PDE4D: variants seen among roughly 807,000 people sequenced by gnomAD.
PDE4D encodes 3',5'-cyclic-AMP phosphodiesterase 4D.
In PDE4D, 24 loss-of-function variants were observed where a neutral mutation model predicts 87.4. The observed-to-expected ratio is 0.27, with a 90% CI of 0.20 to 0.39. PDE4D has a LOEUF of 0.39. Among genes scored for constraint, PDE4D ranks in the 10% least tolerant of loss-of-function variants. The pLI, the probability that PDE4D is intolerant of heterozygous loss-of-function variation, is 1.00. For missense variants in PDE4D, 714 were observed against 1,041.0 expected, an observed-to-expected ratio of 0.69 and a Z score of 4.32; for synonymous variants, 384 against 383.2, an observed-to-expected ratio of 1.00 and a Z score of -0.02.
intron 2 of PDE4D, among the ~76,000 whole-genome samples, chr5:60,075,330 T>C (rs1225271331): frequency 6.6e-6 from 1 of 152,220 alleles, no homozygotes; most frequent in Non-Finnish European, 1.5e-5. Flanking sequence ...GAATGTTTAA[T>C]ATAGTCCCCC....
At chr5:59,453,534 G>C (rs1302816753) in intron 1 of PDE4D, among the ~76,000 whole-genome samples, 2 of 152,230 alleles carry the variant, frequency 1.3e-5, no homozygotes, top group Non-Finnish European at 2.9e-5. Context: ...ATAAGAAATT[G>C]AAACAGCCTT....
intron 1 of PDE4D, among the ~76,000 whole-genome samples, chr5:59,385,941 G>A (rs1786887508): frequency 6.6e-6 from 1 of 152,076 alleles, no homozygotes. Context: ...CATCCCTGCA[G>A]GGTGCTACAT....
chr5:60,391,580 A>T lies in PDE4D; in HGVS notation c.-90+96362T>A, dbSNP rs1762563647. Among the ~76,000 whole-genome samples, 5 of 152,130 alleles carry T rather than the reference A, an allele frequency of 3.3e-5. No individual in the cohort carries two copies. The South Asian group carries it at 1.0e-3, about 32-fold the overall frequency. ...TTCCATTTTTAAAGAACGCAATGTT[A>T]TATCCCTCTGACTACTGCCCCTTAG... On this transcript the variant is annotated intron_variant, in intron 1 of 16. Transcript: ENST00000502484.
chr5:59,512,962 T>A (rs1810519136), intron 1 of PDE4D, among the ~76,000 whole-genome samples: 1 of 152,148 alleles, frequency 6.6e-6, no homozygotes, highest in African/African-American at 2.4e-5. Context: ...CTATACAGTT[T>A]AGGTTGTTTT....
intron 1 of PDE4D, among the ~76,000 whole-genome samples, chr5:59,790,262 T>C (rs1176242743): frequency 6.6e-6 from 1 of 152,200 alleles, no homozygotes; most frequent in East Asian, 1.9e-4. Flanking sequence ...ATGTTGTATT[T>C]CAGTTATTGA....
At chr5:59,963,184 CA>C (rs1759665189) in intron 3 of PDE4D, among the ~76,000 whole-genome samples, 1 of 152,138 alleles carries the variant, frequency 6.6e-6, no homozygotes, top group African/African-American at 2.4e-5. Context: ...AGCATATTGT[CA>C]GTGGAAGATC....
chr5:58,976,541 T>A, intron 12 of PDE4D, 69 bp from the exon 13 acceptor site: 2 of 1,222,414 alleles, frequency 1.6e-6, no homozygotes, highest in Admixed American at 2.3e-5. Flanking sequence ...TTACGCAGAA[T>A]ATAAGAATGA....
chr5:59,898,050 A>G (rs1477909678), upstream of PDE4D, among the ~76,000 whole-genome samples: 2 of 152,222 alleles, frequency 1.3e-5, no homozygotes, highest in Non-Finnish European at 2.9e-5. Context: ...AACGCAGTAT[A>G]TTAGGCTGCT....
intron 1 of PDE4D, among the ~76,000 whole-genome samples, chr5:60,419,644 T>C (rs372189833): frequency 2.6e-4 from 40 of 152,234 alleles, no homozygotes; most frequent in African/African-American, 9.6e-4. Flanking sequence ...TTTTTTAAGA[T>C]AGGCAGAATG....
chr5:58,988,704 AAATGTGTTAC>A (rs1334002380), intron 10 of PDE4D, 112 bp from the exon 11 acceptor site: 4 of 476,460 alleles, frequency 8.4e-6, no homozygotes, highest in Non-Finnish European at 1.4e-5. Flanking sequence ...TGAAGCTTCA[AAATGTGTTAC>A]AATGTGTCAA....
chr5:59,385,837 C>A (rs995986868), intron 1 of PDE4D, among the ~76,000 whole-genome samples: 1 of 152,088 alleles, frequency 6.6e-6, no homozygotes, highest in African/African-American at 2.4e-5. Flanking sequence ...CCACAAACAC[C>A]CTGCATCCCA....
intron 1 of PDE4D, among the ~76,000 whole-genome samples, chr5:59,849,039 G>C (rs995091633): frequency 6.6e-6 from 1 of 151,944 alleles, no homozygotes; most frequent in African/African-American, 2.4e-5. Context: ...AGGAGGAAGT[G>C]TTTTCTAGTG....
chr5:59,656,340 C>T (rs1370495901), intron 1 of PDE4D, among the ~76,000 whole-genome samples: 4 of 152,246 alleles, frequency 2.6e-5, no homozygotes, highest in East Asian at 1.9e-4. Flanking sequence ...CAGATTACAA[C>T]GTATTGGACC....
At chr5:59,484,467 T>G (rs1287542629) in intron 1 of PDE4D, among the ~76,000 whole-genome samples, 1 of 152,178 alleles carries the variant, frequency 6.6e-6, no homozygotes, top group Non-Finnish European at 1.5e-5. Flanking sequence ...TTCTGTATAT[T>G]GAAAAATTCT....
At chr5:59,435,434 T>C (rs1796668318) in intron 1 of PDE4D, among the ~76,000 whole-genome samples, 3 of 152,200 alleles carry the variant, frequency 2.0e-5, no homozygotes, top group African/African-American at 7.2e-5. Context: ...TCTGGCCCAC[T>C]GGGGCTTCCC....
At chr5:59,452,761 G>A (rs1226982392) in intron 1 of PDE4D, among the ~76,000 whole-genome samples, 1 of 152,154 alleles carries the variant, frequency 6.6e-6, no homozygotes, top group East Asian at 1.9e-4. Context: ...AGAATAAATA[G>A]GTAAAAGGCC....
intron 2 of PDE4D, among the ~76,000 whole-genome samples, chr5:60,092,632 TAA>T (rs58114633): frequency 5.0e-5 from 7 of 141,398 alleles, no homozygotes; most frequent in Admixed American, 7.1e-5. Context: ...TTCTGCACGC[TAA>T]AAAAAAAAAA....
chr5:59,741,770 A>G (rs1361357538), intron 1 of PDE4D, among the ~76,000 whole-genome samples: 5 of 152,292 alleles, frequency 3.3e-5, no homozygotes. Flanking sequence ...TCTTAGTAAA[A>G]TACAGAAGAT....
chr5:59,269,776 ATATC>A (rs1763478412), intron 1 of PDE4D, among the ~76,000 whole-genome samples: 1 of 152,042 alleles, frequency 6.6e-6, no homozygotes, highest in Non-Finnish European at 1.5e-5. Flanking sequence ...TTTAAAAATT[ATATC>A]TATATATTGA....
Sources: gnomAD v4.1 joint callset for allele counts (sites outside exome capture counted in the v4.1 genomes callset) on GRCh38, gnomAD v4.1.1 for gene constraint, MANE v1.5 for transcripts, NCBI Gene and HGNC (gene_info 2026-07-23, HGNC 2026-07-21) for gene names.